Variants in ELAC2 observed in about 807,000 individuals in gnomAD.
The protein encoded by ELAC2 is elaC ribonuclease Z 2.
Under a neutral mutation model 105.2 loss-of-function variants are expected in ELAC2, and 92 were observed. The observed-to-expected ratio is 0.87, with a 90% CI of 0.74 to 1.04. The LOEUF (loss-of-function observed/expected upper bound fraction) is 1.04, where lower values mean the gene tolerates loss of function less well. Ranked by LOEUF, ELAC2 falls within the 50% of genes least tolerant of loss-of-function variation. The probability of loss-of-function intolerance (pLI) is 0.00; values close to 1 mark genes in which losing one functional copy is unlikely to be tolerated. For missense variants in ELAC2, 1,099 were observed against 1,071.7 expected (o/e 1.03, Z -0.36); for synonymous variants, 468 against 409.1 (o/e 1.14, Z -1.74).
Position 13,003,504 on chromosome 17 carries a change from T to C in ELAC2, c.1054A>G (p.Ser352Gly). ...CTCTCCATCCACTGCTGGTACCTGC[T>C]GTCCACAAGCACAGATGCTGGGGCC... ...HMAPASVLVDSRYQQWMERFG... is the reference protein window; with the variant it reads ...HMAPASVLVDGRYQQWMERFG... The change falls in exon 12 of 24, where the codon AGC becomes GGC. Residue 352 changes from serine (S) to glycine (G), a missense_variant. By Grantham distance (56) the Ser-to-Gly change is moderately conservative. Coordinates refer to ENST00000338034, the MANE Select transcript of ELAC2 (RefSeq NM_018127.7). 1 of 1,614,186 alleles carries C rather than the reference T, an allele frequency of 6.2e-7. No individual in the cohort carries two copies. The highest frequency in any genetic ancestry group is 8.5e-7 in the Non-Finnish European group (1 of 1,180,016).
In ELAC2 at chr17:12,998,499, CTTCTT is replaced by C; in HGVS notation, c.1428_1432del (p.Arg477SerfsTer40). ...AAGGAAGATGATTTCTGGGTACTGACTTCTTTTCTCTGTGAAAAAATCCATGTGAA... is the reference window on the plus strand; with the variant it reads ...AAGGAAGATGATTTCTGGGTACTGACTTCTCTGTGAAAAAATCCATGTGAA... On this transcript the variant is annotated frameshift_variant, in exon 16 of 24. Transcript: ENST00000338034. LOFTEE classifies it high-confidence loss of function. 1 of 1,614,072 alleles carries C rather than the reference CTTCTT, an allele frequency of 6.2e-7. No homozygotes were observed. Among genetic ancestry groups the C allele is most frequent in the Non-Finnish European group, 8.5e-7 (1 of 1,179,922 alleles).
At chr17:13,013,369 G>T in intron 5 of ELAC2, 94 bp from the exon 6 acceptor site, 2 of 1,327,250 alleles carry the variant, frequency 1.5e-6, no homozygotes, top group Non-Finnish European at 2.1e-6. Flanking sequence ...CAACTGAATT[G>T]CCTCAGAATT....
chr17:12,991,732 C>T lies in ELAC2; in HGVS notation c.*1086G>A, dbSNP rs2143524514. The T allele has an allele frequency of 4.7e-6, 1 of 212,322 alleles. No homozygotes were observed. The highest frequency in any genetic ancestry group is 1.9e-4 in the South Asian group (1 of 5,328). The allele number at this position is 212,322 out of a possible 1,614,324, so 13.2% of individuals were successfully genotyped here. A position where few individuals can be genotyped will look rare whatever the true frequency, so the allele number is the denominator to read the frequency against. On this transcript the variant is annotated 3_prime_UTR_variant, in exon 24 of 24. Coordinates refer to ENST00000338034, the MANE Select transcript of ELAC2 (RefSeq NM_018127.7). ...CCGGGATGGAGCCTGAAGGTCACCACCTGTGTAAAGCCAGGTCCCTGGCTG... is the reference window on the plus strand; with the variant it reads ...CCGGGATGGAGCCTGAAGGTCACCATCTGTGTAAAGCCAGGTCCCTGGCTG...
chr17:13,000,152 T>C lies in ELAC2; in HGVS notation c.1423+4A>G, dbSNP rs753447554. The C allele has an allele frequency of 1.2e-6, 2 of 1,612,838 alleles. No homozygotes were observed. On this transcript the variant is annotated splice_donor_region_variant and intron_variant, in intron 15 of 23. Coordinates refer to ENST00000338034, the MANE Select transcript of ELAC2 (RefSeq NM_018127.7). The stretch of plus-strand genomic sequence containing the variant: ...GAAAGGCTGCTCTGTGGGCTCCCAC[T>C]CACCTGCTGGGGCTGGGCCGTCCTG...
intron 10 of ELAC2, 31 bp from the exon 11 acceptor site, chr17:13,005,132 G>A: frequency 6.6e-7 from 1 of 1,506,842 alleles, no homozygotes; most frequent in Middle Eastern, 1.7e-4. Flanking sequence ...GCCCACTGGG[G>A]GTCACAGCTC....
At chr17:13,013,138 A>G (rs1170268749) in intron 6 of ELAC2, 69 bp downstream of exon 6, 3 of 1,566,362 alleles carry the variant, frequency 1.9e-6, no homozygotes, top group Admixed American at 1.7e-5. Context: ...TTCAGTTTCT[A>G]TTTTCATCCA....
In ELAC2 at chr17:12,992,980, G is replaced by C; in HGVS notation, c.2319C>G (p.Gly773=). The change falls in exon 24 of 24, where the codon GGC becomes GGG. Residue 773 remains glycine (G), a synonymous_variant. Transcript: ENST00000338034. ...TGCGCTCCTCCATCTCCTCGATGTC[G>C]CCAGCAAACAGGGCTTTCAGTGGGG... ...LIPPLKALFA[G]DIEEMEERRE... The C allele has an allele frequency of 1.2e-6, 2 of 1,610,256 alleles. No individual in the cohort carries two copies. Among genetic ancestry groups the C allele is most frequent in the Non-Finnish European group, 1.7e-6 (2 of 1,180,008 alleles).
At chr17:13,005,679 TGAA>T (rs1227701403) in intron 10 of ELAC2, 71 bp downstream of exon 10, 2 of 1,516,100 alleles carry the variant, frequency 1.3e-6, no homozygotes, top group Non-Finnish European at 1.8e-6. Flanking sequence ...CTGTAGGGCC[TGAA>T]GAAGACAGAC....
chr17:13,010,917 A>T (rs879436248), intron 7 of ELAC2, among the ~76,000 whole-genome samples: 5 of 152,164 alleles, frequency 3.3e-5, no homozygotes, highest in Non-Finnish European at 7.3e-5. Context: ...GGCAAGTGAA[A>T]TTTTTTTTAA....
At chr17:13,003,349 A>T in intron 12 of ELAC2, 130 bp downstream of exon 12, 1 of 872,646 alleles carries the variant, frequency 1.1e-6, no homozygotes, top group Non-Finnish European at 1.9e-6. Flanking sequence ...CTGGGAAGGC[A>T]GGAATCCCAC....
Position 12,994,292 on chromosome 17 carries a change from C to T in ELAC2, c.2108+133G>A, listed in dbSNP as rs2040353178. The T allele has an allele frequency of 6.6e-6, 7 of 1,055,106 alleles. No homozygotes were observed. In the East Asian group the frequency reaches 1.4e-4, roughly 21 times the overall value. 65.4% of individuals were successfully genotyped at this position (1,055,106 alleles called of 1,614,324 possible). On this transcript the variant is annotated intron_variant, in intron 22 of 23. Transcript: ENST00000338034. ...AGAGCCTGTGAGCACTGCCACAGGT[C>T]AAGGAAGCCCCCATAGCCCTTGATA...
At position 12,993,003 on chromosome 17, in the gene ELAC2, G is replaced by C. The variant is rs750097249; in HGVS notation, c.2296C>G (p.Pro766Ala). The C allele has an allele frequency of 2.5e-6, 4 of 1,608,898 alleles. No individual in the cohort carries two copies. The South Asian group carries it at 4.4e-5, about 18-fold the overall frequency. ...TCGCCAGCAAACAGGGCTTTCAGTG[G>C]GGGAATCAGCTTGGGCATTGTTGGA... is the stretch of plus-strand genomic sequence containing the variant. Reference protein sequence around the residue: ...DFPTMPKLIPPLKALFAGDIE... With the variant: ...DFPTMPKLIPALKALFAGDIE... The change falls in exon 24 of 24, where the codon CCA (proline) becomes GCA (alanine). Residue 766 changes from proline to alanine, a missense_variant. By Grantham distance (27) the Pro-to-Ala change is conservative. Coordinates refer to ENST00000338034, the MANE Select transcript of ELAC2 (RefSeq NM_018127.7).
At chr17:12,995,199 G>A (rs1361274323) in intron 19 of ELAC2, 137 bp from the exon 20 acceptor site, 6 of 941,758 alleles carry the variant, frequency 6.4e-6, no homozygotes, top group African/African-American at 4.9e-5. Context: ...ACTATGATGA[G>A]GAAACAGCAG....
At chr17:12,996,349 A>G in intron 17 of ELAC2, 198 bp downstream of exon 17, 2 of 775,808 alleles carry the variant, frequency 2.6e-6, no homozygotes, top group South Asian at 1.6e-5. Flanking sequence ...CAGGAAAGGA[A>G]CTGAACAGGA....
intron 8 of ELAC2, among the ~76,000 whole-genome samples, chr17:13,008,841 G>T (rs2041251491): frequency 6.6e-6 from 1 of 152,140 alleles, no homozygotes; most frequent in South Asian, 2.1e-4. Flanking sequence ...AGTGACAGCA[G>T]CCCTCAGAAG....
intron 4 of ELAC2, 129 bp downstream of exon 4, chr17:13,015,639 A>C: frequency 2.6e-6 from 2 of 765,790 alleles, no homozygotes; most frequent in Admixed American, 4.1e-5. Context: ...TTTTAACTTG[A>C]AAGGGGAAGC....
At chr17:13,012,906 AC>A (rs1040316928) in intron 6 of ELAC2, among the ~76,000 whole-genome samples, 5 of 152,196 alleles carry the variant, frequency 3.3e-5, no homozygotes, top group Admixed American at 1.3e-4. Context: ...AGAGGGTATT[AC>A]GCCTGTGGGA....
In ELAC2 at chr17:12,993,019, C is replaced by T. The variant is rs753128082; in HGVS notation, c.2280G>A (p.Met760Ile). 2.5e-6 allele frequency: 4 copies of T among 1,604,518 alleles called. No homozygotes were observed. The East Asian group carries it at 8.9e-5, about 36-fold the overall frequency. ...CTTTCAGTGGGGGAATCAGCTTGGGCATTGTTGGAAAGTCTCCAAAGCAGA... is the reference window on the plus strand; with the variant it reads ...CTTTCAGTGGGGGAATCAGCTTGGGTATTGTTGGAAAGTCTCCAAAGCAGA... ...MKVCFGDFPT[M>I]PKLIPPLKAL... Residue 760 changes from methionine to isoleucine, a missense_variant, in exon 24 of 24, where the codon ATG (methionine) becomes ATA (isoleucine). Met to Ile is a conservative substitution (Grantham distance 10). Transcript: ENST00000338034.
rs555160186 is a variant in ELAC2 at position 12,991,940 on chromosome 17, G to C, written c.*878C>G. ...TAATCCACGTCTGTAAATCCCGCAA[G>C]GAGGACAATGGAAACCAGCCCCGTG... On this transcript the variant is annotated 3_prime_UTR_variant, in exon 24 of 24. Transcript: ENST00000338034. Among the ~76,000 whole-genome samples the C allele has an allele frequency of 2.0e-5, 3 of 152,246 alleles. No homozygotes were observed. The highest frequency in any genetic ancestry group is 3.9e-4 in the East Asian group (2 of 5,190).
Sources: allele counts gnomAD v4.1 joint callset (sites outside exome capture counted in the v4.1 genomes callset), GRCh38; gene constraint gnomAD v4.1.1; transcripts MANE v1.5; gene names NCBI Gene and HGNC (gene_info 2026-07-23, HGNC 2026-07-21).